The following NAALADL2 variants were observed in gnomAD, a reference collection of about 807,000 sequenced individuals.
NAALADL2 encodes the protein inactive N-acetylated-alpha-linked acidic dipeptidase-like protein 2.
A neutral mutation model predicts 87.2 loss-of-function variants in NAALADL2; 76 were observed. The observed-to-expected ratio is 0.87, with a 90% confidence interval of 0.72 to 1.05. The LOEUF (loss-of-function observed/expected upper bound fraction) is 1.05. Among genes scored for constraint, NAALADL2 ranks in the 50% least tolerant of loss-of-function variants. The pLI is 0.00. For missense variants in NAALADL2, 1,089 were observed against 945.8 expected (o/e 1.15, Z -1.99); for synonymous variants, 354 against 331.0 (o/e 1.07, Z -0.75).
chr3:174,460,592 CT>C (rs1024235239), intron 1 of NAALADL2, among the ~76,000 whole-genome samples: 3 of 150,216 alleles, frequency 2.0e-5, no homozygotes, highest in Non-Finnish European at 3.0e-5. Flanking sequence ...CTTCTTTTTT[CT>C]TTTTTTTTCT....
chr3:175,199,854 ATATATATATATTTTTTTTTTTTTT>A (rs1358221046), intron 2 of NAALADL2, among the ~76,000 whole-genome samples: 4 of 18,920 alleles, frequency 2.1e-4, no homozygotes, highest in Admixed American at 7.5e-4. Context: ...ATATATATAT[ATATATATATATTTTTTTTTTTTTT>A]TTTTTTTTTT....
chr3:174,767,887 A>G (rs935937390), intron 3 of NAALADL2, among the ~76,000 whole-genome samples: 1 of 152,218 alleles, frequency 6.6e-6, no homozygotes, highest in Non-Finnish European at 1.5e-5. Context: ...AATGCGAAGT[A>G]CAAGAGGTTA....
At chr3:174,706,067 G>C (rs1730040835) in intron 2 of NAALADL2, among the ~76,000 whole-genome samples, 1 of 152,138 alleles carries the variant, frequency 6.6e-6, no homozygotes. Context: ...GCCAAAGGAA[G>C]TGCTTGCTAT....
intron 2 of NAALADL2, among the ~76,000 whole-genome samples, chr3:175,172,584 A>T (rs1195518222): frequency 6.6e-6 from 1 of 152,174 alleles, no homozygotes; most frequent in Non-Finnish European, 1.5e-5. Flanking sequence ...TTGAAATCTG[A>T]GGAATTGAAA....
intron 2 of NAALADL2, among the ~76,000 whole-genome samples, chr3:175,151,255 G>A (rs1731501831): frequency 6.6e-6 from 1 of 152,132 alleles, no homozygotes; most frequent in Non-Finnish European, 1.5e-5. Context: ...GCACCTTGGG[G>A]AAGTCAGCTA....
At chr3:175,302,742 C>T (rs1757237534) in intron 4 of NAALADL2, among the ~76,000 whole-genome samples, 1 of 151,738 alleles carries the variant, frequency 6.6e-6, no homozygotes, top group African/African-American at 2.4e-5. Context: ...AGTACTGGGG[C>T]AATAGGTGTG....
intron 2 of NAALADL2, among the ~76,000 whole-genome samples, chr3:174,665,485 T>C (rs377495863): frequency 6.6e-6 from 1 of 152,156 alleles, no homozygotes; most frequent in East Asian, 1.9e-4. Flanking sequence ...TCATTACATG[T>C]TATTGTATTT....
chr3:174,558,375 A>G (rs540028302), intron 2 of NAALADL2, among the ~76,000 whole-genome samples: 17 of 152,248 alleles, frequency 1.1e-4, no homozygotes, highest in Non-Finnish European at 2.1e-4. Flanking sequence ...AGGATGATTC[A>G]AGTGCATTCC....
intron 5 of NAALADL2, among the ~76,000 whole-genome samples, chr3:175,354,075 AG>A (rs1198849571): frequency 2.0e-5 from 3 of 152,202 alleles, no homozygotes. Context: ...CTTCACTCTC[AG>A]CCTTCTCAGC....
At chr3:174,857,156 C>T (rs1366510109), upstream of NAALADL2, among the ~76,000 whole-genome samples, 1 of 152,042 alleles carries the variant, frequency 6.6e-6, no homozygotes, top group African/African-American at 2.4e-5. Context: ...ATGAATTCAG[C>T]AAAAGGGAGG....
chr3:174,894,190 C>T (rs1731214575), intron 1 of NAALADL2, among the ~76,000 whole-genome samples: 1 of 151,740 alleles, frequency 6.6e-6, no homozygotes, highest in Non-Finnish European at 1.5e-5. Flanking sequence ...ATGGGAGCAC[C>T]CAGATATATA....
chr3:175,758,680 T>G (rs776392360), intron 13 of NAALADL2, among the ~76,000 whole-genome samples: 2 of 152,076 alleles, frequency 1.3e-5, no homozygotes, highest in Non-Finnish European at 2.9e-5. Context: ...AAGTAAAAAT[T>G]TGAGTTTAAG....
At chr3:174,968,844 C>G (rs1166515999) in intron 1 of NAALADL2, among the ~76,000 whole-genome samples, 3 of 152,092 alleles carry the variant, frequency 2.0e-5, no homozygotes, top group Non-Finnish European at 4.4e-5. Context: ...CCAAAGTTTT[C>G]ATTTGTGAAT....
At chr3:174,577,052 G>C (rs575711142) in intron 2 of NAALADL2, among the ~76,000 whole-genome samples, 30 of 152,172 alleles carry the variant, frequency 2.0e-4, no homozygotes, top group African/African-American at 7.0e-4. Flanking sequence ...GTTACAGAGA[G>C]CTTCAGGATA....
chr3:175,024,718 AT>A (rs201755469), intron 1 of NAALADL2, among the ~76,000 whole-genome samples: 9 of 111,528 alleles, frequency 8.1e-5, no homozygotes, highest in Non-Finnish European at 1.9e-4. Context: ...TAATTATCTT[AT>A]TTTTTTTCAG....
intron 1 of NAALADL2, among the ~76,000 whole-genome samples, chr3:175,080,202 T>G: frequency 6.6e-6 from 1 of 152,182 alleles, no homozygotes; most frequent in African/African-American, 2.4e-5. Flanking sequence ...CCTGACCTCG[T>G]GATCCACGCA....
At chr3:175,398,344 C>CT (rs776575751) in intron 5 of NAALADL2, among the ~76,000 whole-genome samples, 18,448 of 111,732 alleles carry the variant, frequency 0.17, 1,490 homozygotes, top group African/African-American at 0.2. Context: ...GCTTCTGCTA[C>CT]TTTTTTTTTT....
chr3:175,716,276 ATATAT>A (rs1741261126), intron 11 of NAALADL2, among the ~76,000 whole-genome samples: 1 of 144,270 alleles, frequency 6.9e-6, no homozygotes, highest in African/African-American at 2.6e-5. Context: ...TATATATAAT[ATATAT>A]TATGTTATTA....
chr3:175,076,254 T>A (rs1289728151), intron 1 of NAALADL2, among the ~76,000 whole-genome samples: 1 of 150,332 alleles, frequency 6.7e-6, no homozygotes, highest in Non-Finnish European at 1.5e-5. Context: ...AAAAATGTCA[T>A]AAGAAAAGAT....
Sources: gnomAD v4.1 joint callset for allele counts (sites outside exome capture counted in the v4.1 genomes callset) on GRCh38, gnomAD v4.1.1 for gene constraint, MANE v1.5 for transcripts, NCBI Gene and HGNC (gene_info 2026-07-23, HGNC 2026-07-21) for gene names.